The following DKK2 variants were observed in gnomAD, a reference collection of about 807,000 sequenced individuals.
The protein encoded by DKK2 is dickkopf-related protein 2.
In DKK2, 11 loss-of-function variants were observed where a neutral mutation model predicts 28.1. That is an observed-to-expected ratio of 0.39 (90% confidence interval 0.25 to 0.65). The LOEUF (loss-of-function observed/expected upper bound fraction) is 0.65, where lower values mean the gene tolerates loss of function less well. Ranked by LOEUF, DKK2 falls within the 30% of genes least tolerant of loss-of-function variation. DKK2 has a pLI of 0.47. For missense variants in DKK2, 326 were observed against 335.5 expected, an observed-to-expected ratio of 0.97 and a Z score of 0.22; for synonymous variants, 135 against 126.5, an observed-to-expected ratio of 1.07 and a Z score of -0.45.
At chr4:106,973,674 T>C (rs1722901906) in intron 1 of DKK2, among the ~76,000 whole-genome samples, 1 of 152,184 alleles carries the variant, frequency 6.6e-6, no homozygotes, top group African/African-American at 2.4e-5. Flanking sequence ...TTTTCTCCCA[T>C]ACTATAGGTT....
intron 1 of DKK2, among the ~76,000 whole-genome samples, chr4:107,034,075 A>G (rs1408098927): frequency 1.3e-5 from 2 of 152,104 alleles, no homozygotes; most frequent in African/African-American, 4.8e-5. Flanking sequence ...AGAGTTCTGG[A>G]ACTGCAAAAC....
intron 1 of DKK2, among the ~76,000 whole-genome samples, chr4:106,982,339 TAA>T (rs1723038701): frequency 2.6e-5 from 4 of 152,134 alleles, no homozygotes; most frequent in Admixed American, 2.6e-4. Context: ...AGAATTTGCG[TAA>T]GTTAGTGTAC....
At chr4:106,998,363 C>G (rs184050886) in intron 1 of DKK2, among the ~76,000 whole-genome samples, 1 of 152,240 alleles carries the variant, frequency 6.6e-6, no homozygotes, top group African/African-American at 2.4e-5. Flanking sequence ...CCACATTTCT[C>G]TATCAAATTA....
chr4:106,959,718 C>T (rs959011275), intron 1 of DKK2, among the ~76,000 whole-genome samples: 1 of 152,002 alleles, frequency 6.6e-6, no homozygotes, highest in African/African-American at 2.4e-5. Context: ...AGCAAAAGTT[C>T]ACTCCTCGTT....
intron 1 of DKK2, among the ~76,000 whole-genome samples, chr4:107,012,136 A>G (rs1305979247): frequency 6.6e-6 from 1 of 151,332 alleles, no homozygotes; most frequent in East Asian, 1.9e-4. Flanking sequence ...CCAAAGCTAA[A>G]GTGCTGAGAG....
intron 1 of DKK2, among the ~76,000 whole-genome samples, chr4:106,969,552 A>G (rs1477427843): frequency 6.6e-6 from 1 of 152,110 alleles, no homozygotes; most frequent in African/African-American, 2.4e-5. Context: ...GTTTAAAAAA[A>G]GACAGGAGTG....
intron 1 of DKK2, among the ~76,000 whole-genome samples, chr4:107,026,968 T>G (rs1182481239): frequency 6.6e-6 from 1 of 152,016 alleles, no homozygotes; most frequent in Non-Finnish European, 1.5e-5. Context: ...TTGAGCGAGC[T>G]GGAGGAAATG....
intron 1 of DKK2, among the ~76,000 whole-genome samples, chr4:106,992,136 T>C (rs1723214314): frequency 6.6e-6 from 1 of 152,208 alleles, no homozygotes; most frequent in Non-Finnish European, 1.5e-5. Context: ...TGAACAGATT[T>C]ATCCTATCAT....
At chr4:107,031,852 T>G (rs1358927660) in intron 1 of DKK2, among the ~76,000 whole-genome samples, 1 of 151,976 alleles carries the variant, frequency 6.6e-6, no homozygotes, top group Non-Finnish European at 1.5e-5. Flanking sequence ...TTTTTAAAAT[T>G]TGTTTTGAAG....
chr4:106,991,584 C>T (rs558168002), intron 1 of DKK2, among the ~76,000 whole-genome samples: 13 of 152,262 alleles, frequency 8.5e-5, no homozygotes, highest in South Asian at 2.1e-4. Flanking sequence ...TTTCTAAAGT[C>T]CTATATGAGC....
At position 107,035,746 on chromosome 4, in the gene DKK2, T is replaced by C; in HGVS notation, c.-155A>G. ...CCTGGTTCGGGGACCCAGGACCCTA[T>C]GAACTCAGTCTCACGCCTCAGGACA... On this transcript the variant is annotated 5_prime_UTR_variant, in exon 1 of 4. Coordinates refer to ENST00000285311, the MANE Select transcript of DKK2 (RefSeq NM_014421.3). 2.8e-6 allele frequency: 2 copies of C among 702,040 alleles called. No homozygotes were observed. The highest frequency in any genetic ancestry group is 2.7e-5 in the East Asian group (1 of 36,894). 43.5% of individuals were successfully genotyped at this position (702,040 alleles called of 1,614,324 possible).
At chr4:107,011,310 T>C (rs1723513775) in intron 1 of DKK2, among the ~76,000 whole-genome samples, 1 of 151,454 alleles carries the variant, frequency 6.6e-6, no homozygotes, top group Non-Finnish European at 1.5e-5. Flanking sequence ...TTAGAAAATG[T>C]GGGTTCATAG....
At chr4:106,964,759 A>AT (rs1403458638) in intron 1 of DKK2, among the ~76,000 whole-genome samples, 2 of 152,142 alleles carry the variant, frequency 1.3e-5, no homozygotes, top group African/African-American at 4.8e-5. Flanking sequence ...TTGAAAGGCC[A>AT]TAAGGACATA....
rs764492779 is a variant in DKK2 at position 106,925,847 on chromosome 4, G to A, written c.325C>T (p.Arg109Cys). 47 of 1,608,112 alleles carry A rather than the reference G, an allele frequency of 2.9e-5. No individual in the cohort carries two copies. The highest frequency in any genetic ancestry group is 3.4e-5 in the Non-Finnish European group (40 of 1,177,532). Residue 109 changes from arginine (R) to cysteine (C), a missense_variant, in exon 2 of 4, where the codon CGC (arginine) becomes TGC (cysteine). Transcript: ENST00000285311. ...CAGCACATGCCATCTCGGTGGCAGCGCTTCTTTTTTCTCCGACACACCATG... is the reference window on the plus strand; with the variant it reads ...CAGCACATGCCATCTCGGTGGCAGCACTTCTTTTTTCTCCGACACACCATG... ...ACMVCRRKKK[R>C]CHRDGMCCPS...
At chr4:107,007,837 T>C (rs1723458665) in intron 1 of DKK2, among the ~76,000 whole-genome samples, 1 of 152,154 alleles carries the variant, frequency 6.6e-6, no homozygotes. Context: ...CATAAGTGTA[T>C]ATACATAAAA....
chr4:106,946,869 C>A (rs1382407965), intron 1 of DKK2, among the ~76,000 whole-genome samples: 2 of 152,006 alleles, frequency 1.3e-5, no homozygotes, highest in East Asian at 3.9e-4. Flanking sequence ...CCTCAAATCC[C>A]TAGAGCACAG....
intron 1 of DKK2, among the ~76,000 whole-genome samples, chr4:106,939,618 C>T (rs923650912): frequency 1.6e-4 from 25 of 152,102 alleles, no homozygotes; most frequent in Non-Finnish European, 2.8e-4. Flanking sequence ...CTTTCAAGTT[C>T]GTATGGAACC....
chr4:106,929,793 C>G (rs544844283), intron 1 of DKK2, among the ~76,000 whole-genome samples: 11 of 152,232 alleles, frequency 7.2e-5, no homozygotes, highest in African/African-American at 2.4e-4. Context: ...AATTTAGAAT[C>G]ATTACCTAAA....
rs934225257 is a variant in DKK2, at chr4:106,947,268, G to T, written c.223-21319C>A. Among the ~76,000 whole-genome samples the T allele has an allele frequency of 2.0e-5, 3 of 152,032 alleles. No individual in the cohort carries two copies. The East Asian group carries it at 5.8e-4, about 29-fold the overall frequency. On this transcript the variant is annotated intron_variant, in intron 1 of 3. Transcript: ENST00000285311. ...AATGGGATCTACATACATCCTGGAG[G>T]TGTGACATCTGAAGGTAACATCTGT...
Sources: allele counts gnomAD v4.1 joint callset (sites outside exome capture counted in the v4.1 genomes callset), GRCh38; gene constraint gnomAD v4.1.1; transcripts MANE v1.5; gene names NCBI Gene and HGNC (gene_info 2026-07-23, HGNC 2026-07-21).